The following NOX4 variants were observed in gnomAD, a reference collection of about 807,000 sequenced individuals.
The protein encoded by NOX4 is NADPH oxidase 4.
In NOX4, 69 loss-of-function variants were observed where a neutral mutation model predicts 87.6. That is an observed-to-expected ratio of 0.79 (90% confidence interval 0.65 to 0.96). NOX4 has a LOEUF of 0.96. Ranked by LOEUF, NOX4 falls within the 40% of genes least tolerant of loss-of-function variation. The pLI is 0.00. For synonymous variants in NOX4, 275 were observed against 238.2 expected (o/e 1.15, Z -1.42); for missense variants, 680 against 681.5 (o/e 1.00, Z 0.02).
the NOX4 span, among the ~76,000 whole-genome samples, chr11:89,588,337 G>T: frequency 6.6e-6 from 1 of 151,938 alleles, no homozygotes; most frequent in Non-Finnish European, 1.5e-5. Flanking sequence ...TTTTAACCAG[G>T]CTTTCAAGAA....
chr11:89,378,787 C>A (rs1940053561), intron 11 of NOX4, among the ~76,000 whole-genome samples: 1 of 151,990 alleles, frequency 6.6e-6, no homozygotes, highest in Admixed American at 6.6e-5. Flanking sequence ...CCAAAATACT[C>A]CAGAGACTAT....
upstream of NOX4, among the ~76,000 whole-genome samples, chr11:89,493,223 A>G (rs947247746): frequency 1.3e-5 from 2 of 152,286 alleles, no homozygotes; most frequent in African/African-American, 4.8e-5. Flanking sequence ...CGTCTCTACT[A>G]AAAATACAAA....
At chr11:89,426,674 G>T (rs933889297) in intron 7 of NOX4, among the ~76,000 whole-genome samples, 4 of 152,140 alleles carry the variant, frequency 2.6e-5, no homozygotes, top group African/African-American at 9.7e-5. Context: ...AAGGCTTGGG[G>T]AGGGGCGCCC....
intron 11 of NOX4, among the ~76,000 whole-genome samples, chr11:89,379,048 T>G (rs1054185675): frequency 1.3e-5 from 2 of 152,176 alleles, no homozygotes; most frequent in African/African-American, 4.8e-5. Flanking sequence ...TTTATTAACT[T>G]GGATTGAACG....
At chr11:89,452,195 C>A (rs1944991594) in intron 2 of NOX4, among the ~76,000 whole-genome samples, 1 of 152,160 alleles carries the variant, frequency 6.6e-6, no homozygotes, top group South Asian at 2.1e-4. Flanking sequence ...CCCCATTGTT[C>A]TGGCTGTTAA....
the NOX4 span, among the ~76,000 whole-genome samples, chr11:89,553,007 T>C: frequency 6.6e-6 from 1 of 152,150 alleles, no homozygotes; most frequent in Non-Finnish European, 1.5e-5. Context: ...TTGGTTTTAA[T>C]CCCAGCTGAA....
the NOX4 span, among the ~76,000 whole-genome samples, chr11:89,562,064 C>T: frequency 6.6e-6 from 1 of 152,120 alleles, no homozygotes; most frequent in African/African-American, 2.4e-5. Flanking sequence ...TTACTGAGAT[C>T]AGAGTTACTT....
the NOX4 span, among the ~76,000 whole-genome samples, chr11:89,509,010 A>G: frequency 2.6e-5 from 4 of 152,078 alleles, no homozygotes; most frequent in African/African-American, 9.7e-5. Context: ...TCAAATCATG[A>G]TGTCACTGAG....
chr11:89,435,877 T>A (rs1375285374), intron 6 of NOX4, among the ~76,000 whole-genome samples: 2 of 152,120 alleles, frequency 1.3e-5, no homozygotes, highest in Non-Finnish European at 2.9e-5. Context: ...TCTAAAGAAT[T>A]TGTTTTTCCT....
Position 89,400,364 on chromosome 11 carries a change from A to G in NOX4, c.862T>C (p.Ser288Pro). Residue 288 changes from serine (S) to proline (P), a missense_variant, in exon 10 of 18, where the codon TCT (serine) becomes CCT (proline). By Grantham distance (74) the Ser-to-Pro change is moderately conservative (BLOSUM62 -1). Transcript: ENST00000263317. Reference protein sequence around the residue: ...ANFPQTWLWISGPLCLYCAER... With the variant: ...ANFPQTWLWIPGPLCLYCAER... ...GCACAGTACAGGCACAAAGGTCCAG[A>G]AATCCAAAGCCAAGTCTAAGACAAA... 7 of 1,581,568 alleles carry G rather than the reference A, an allele frequency of 4.4e-6. No individual in the cohort carries two copies. Among genetic ancestry groups the G allele is most frequent in the Non-Finnish European group, 6.0e-6 (7 of 1,166,588 alleles).
chr11:89,494,720 CG>C (rs1422370057), upstream of NOX4, among the ~76,000 whole-genome samples: 1 of 152,148 alleles, frequency 6.6e-6, no homozygotes, highest in African/African-American at 2.4e-5. Flanking sequence ...GGTAAAGAAA[CG>C]GGGCAAGAAC....
At chr11:89,464,645 C>A (rs1033615985) in intron 2 of NOX4, among the ~76,000 whole-genome samples, 1 of 152,106 alleles carries the variant, frequency 6.6e-6, no homozygotes, top group South Asian at 2.1e-4. Flanking sequence ...TTTACCCTTC[C>A]CAGCTACTCC....
intron 2 of NOX4, among the ~76,000 whole-genome samples, chr11:89,484,506 T>C (rs1946509456): frequency 6.6e-6 from 1 of 152,112 alleles, no homozygotes; most frequent in Admixed American, 6.6e-5. Flanking sequence ...GTTTAAAATG[T>C]TCTTGCGTGT....
At chr11:89,552,437 T>G in the NOX4 span, among the ~76,000 whole-genome samples, 1 of 152,186 alleles carries the variant, frequency 6.6e-6, no homozygotes, top group South Asian at 2.1e-4. Context: ...TTTCTGTCTC[T>G]TTTCATCTCT....
chr11:89,437,266 G>C (rs1944125902), intron 6 of NOX4, among the ~76,000 whole-genome samples: 2 of 152,142 alleles, frequency 1.3e-5, no homozygotes, highest in Admixed American at 1.3e-4. Flanking sequence ...TACTTGGGAG[G>C]CTGAGGCAAT....
intron 7 of NOX4, among the ~76,000 whole-genome samples, chr11:89,430,552 C>T (rs1943721955): frequency 6.6e-6 from 1 of 152,280 alleles, no homozygotes; most frequent in Non-Finnish European, 1.5e-5. Flanking sequence ...CATTCTTATA[C>T]ACCAATAACA....
intron 12 of NOX4, among the ~76,000 whole-genome samples, chr11:89,366,772 G>C (rs185065384): frequency 2.0e-5 from 3 of 151,222 alleles, no homozygotes. Context: ...TCCTATGTTT[G>C]GGTTTGTGAA....
At chr11:89,438,349 T>C (rs1169373574) in intron 6 of NOX4, among the ~76,000 whole-genome samples, 7 of 117,084 alleles carry the variant, frequency 6.0e-5, no homozygotes, top group South Asian at 2.5e-4. Flanking sequence ...ATATACTATA[T>C]ATACTATATA....
At chr11:89,368,469 C>T (rs375793471) in intron 12 of NOX4, among the ~76,000 whole-genome samples, 21 of 152,200 alleles carry the variant, frequency 1.4e-4, no homozygotes, top group Non-Finnish European at 2.6e-4. Context: ...GTAAAGTCTG[C>T]TCTCCGCTTC....
Sources: allele counts gnomAD v4.1 joint callset (sites outside exome capture counted in the v4.1 genomes callset), GRCh38; gene constraint gnomAD v4.1.1; transcripts MANE v1.5; gene names NCBI Gene and HGNC (gene_info 2026-07-23, HGNC 2026-07-21).